BMPR1B: variants seen among roughly 807,000 people sequenced by gnomAD.
BMPR1B encodes the protein bone morphogenetic protein receptor type 1B, also known as bone morphogenetic protein receptor type-1B.
BMPR1B carries 12 observed loss-of-function variants against 59.1 expected under a neutral mutation model. The ratio of observed to expected loss-of-function variants is 0.20; its 90% CI spans 0.13 to 0.33. BMPR1B has a LOEUF of 0.33. Among genes scored for constraint, BMPR1B ranks in the 10% least tolerant of loss-of-function variants. The pLI is 1.00. For synonymous variants in BMPR1B, 237 were observed against 207.3 expected (o/e 1.14, Z -1.23); for missense variants, 550 against 610.9 (o/e 0.90, Z 1.05).
chr4:94,932,084 C>G (rs1729113977), intron 2 of BMPR1B, among the ~76,000 whole-genome samples: 1 of 152,096 alleles, frequency 6.6e-6, no homozygotes, highest in Non-Finnish European at 1.5e-5. Flanking sequence ...AAGGCTGTTC[C>G]AAATAAAAAG....
intron 2 of BMPR1B, among the ~76,000 whole-genome samples, chr4:94,973,494 T>TG (rs1400245091): frequency 6.6e-6 from 1 of 152,210 alleles, no homozygotes; most frequent in Non-Finnish European, 1.5e-5. Flanking sequence ...TCTCCGAAGT[T>TG]ACACTGTCAA....
chr4:94,858,683 CTT>C (rs1205767010), intron 1 of BMPR1B, among the ~76,000 whole-genome samples: 1 of 152,112 alleles, frequency 6.6e-6, no homozygotes, highest in Non-Finnish European at 1.5e-5. Flanking sequence ...GAATACAACT[CTT>C]GTTATTTGTA....
intron 10 of BMPR1B, among the ~76,000 whole-genome samples, chr4:95,147,474 T>C (rs1734731909): frequency 2.0e-5 from 3 of 152,070 alleles, no homozygotes; most frequent in Admixed American, 2.0e-4. Flanking sequence ...GACAGCAGGA[T>C]AAGTGTGATA....
intron 6 of BMPR1B, among the ~76,000 whole-genome samples, chr4:95,116,141 T>A (rs994565799): frequency 2.0e-5 from 3 of 152,130 alleles, no homozygotes; most frequent in Non-Finnish European, 4.4e-5. Flanking sequence ...TTGTCTATAT[T>A]TATTTTAAAA....
intron 10 of BMPR1B, among the ~76,000 whole-genome samples, chr4:95,142,203 C>T (rs981015444): frequency 1.3e-5 from 2 of 152,204 alleles, no homozygotes; most frequent in African/African-American, 2.4e-5. Flanking sequence ...ATCTGCCAGG[C>T]AGAGTTCAAT....
chr4:94,784,514 T>A lies in BMPR1B; in HGVS notation c.-183+26446T>A, dbSNP rs553726398. On this transcript the variant is annotated intron_variant, in intron 1 of 12. Transcript: ENST00000515059. ...CATTTTCTCTTTTGTGTAAACTTTTTAAAATTTTTTCTTTTTTTTGTTTGG... is the reference window on the plus strand; with the variant it reads ...CATTTTCTCTTTTGTGTAAACTTTTAAAAATTTTTTCTTTTTTTTGTTTGG... Among the ~76,000 whole-genome samples the A allele has an allele frequency of 3.8e-3, 580 of 152,274 alleles. 8 individuals carry two copies. The highest frequency in any genetic ancestry group is 0.013 in the African/African-American group (534 of 41,570).
chr4:94,830,945 T>C (rs552354240), intron 1 of BMPR1B, among the ~76,000 whole-genome samples: 9 of 152,228 alleles, frequency 5.9e-5, no homozygotes, highest in Admixed American at 3.3e-4. Context: ...ATGTTACAGG[T>C]TTATGTATTG....
At chr4:95,032,534 C>T (rs1724946580) in intron 3 of BMPR1B, among the ~76,000 whole-genome samples, 1 of 152,116 alleles carries the variant, frequency 6.6e-6, no homozygotes, top group Non-Finnish European at 1.5e-5. Flanking sequence ...CCTATTTTCC[C>T]TCTCCTAGCT....
At chr4:94,768,565 C>A (rs1217986684) in intron 1 of BMPR1B, among the ~76,000 whole-genome samples, 4 of 152,000 alleles carry the variant, frequency 2.6e-5, no homozygotes, top group Non-Finnish European at 5.9e-5. Context: ...TTTTATGTGA[C>A]TGCTTTTTCT....
intron 2 of BMPR1B, among the ~76,000 whole-genome samples, chr4:94,985,529 G>GTGTGTT (rs1553924111): frequency 0.025 from 3,730 of 148,302 alleles, 85 homozygotes; most frequent in Non-Finnish European, 0.041. Context: ...GTGTGTGTGT[G>GTGTGTT]TGTGTGTGTG....
At chr4:94,972,096 T>C (rs1041673249) in intron 2 of BMPR1B, among the ~76,000 whole-genome samples, 1 of 151,648 alleles carries the variant, frequency 6.6e-6, no homozygotes, top group African/African-American at 2.4e-5. Context: ...TGTACAAAAT[T>C]CTTATTTACC....
intron 4 of BMPR1B, among the ~76,000 whole-genome samples, chr4:95,108,889 C>T (rs1055395642): frequency 6.6e-6 from 1 of 152,022 alleles, no homozygotes; most frequent in Non-Finnish European, 1.5e-5. Flanking sequence ...GATGACAGAC[C>T]ATCACTGCAT....
At chr4:95,040,439 G>A (rs972663801) in intron 3 of BMPR1B, among the ~76,000 whole-genome samples, 1 of 152,116 alleles carries the variant, frequency 6.6e-6, no homozygotes, top group Non-Finnish European at 1.5e-5. Flanking sequence ...ATTGACTTTA[G>A]GATGAAATAA....
At position 94,962,109 on chromosome 4, in the gene BMPR1B, TTCC is replaced by T. The variant is rs1280438875; in HGVS notation, c.-112-33929_-112-33927del. ...CTTCCTTCCTTCCTTCCTTCCTTCCTTCCTTCCTTCCTTCTTTCCTTCCTTCCT... is the reference window on the plus strand; with the variant it reads ...CTTCCTTCCTTCCTTCCTTCCTTCCTTTCCTTCCTTCTTTCCTTCCTTCCT... On this transcript the variant is annotated intron_variant, in intron 2 of 12. Transcript: ENST00000515059. Among the ~76,000 whole-genome samples, 156 of 135,560 alleles carry T rather than the reference TTCC, an allele frequency of 1.2e-3. 2 individuals carry two copies. Among genetic ancestry groups the T allele is most frequent in the African/African-American group, 5.0e-3 (154 of 30,568 alleles). 88.9% of individuals were successfully genotyped at this position (135,560 alleles called of 152,430 possible).
chr4:95,095,492 A>C (rs1422418710), intron 3 of BMPR1B, among the ~76,000 whole-genome samples: 1 of 152,068 alleles, frequency 6.6e-6, no homozygotes, highest in African/African-American at 2.4e-5. Context: ...TACCCTGGAC[A>C]TTTAAAGTGC....
chr4:95,003,064 G>A (rs1722564619), intron 3 of BMPR1B, among the ~76,000 whole-genome samples: 1 of 151,022 alleles, frequency 6.6e-6, no homozygotes, highest in South Asian at 2.1e-4. Context: ...TAAGATTTTG[G>A]TTACTTTTTA....
At chr4:94,831,442 C>T (rs772224308) in intron 1 of BMPR1B, among the ~76,000 whole-genome samples, 3 of 151,894 alleles carry the variant, frequency 2.0e-5, no homozygotes, top group Non-Finnish European at 4.4e-5. Flanking sequence ...TTAGTTAAAC[C>T]TAAGTATACA....
At chr4:95,044,010 A>G (rs1725858342) in intron 3 of BMPR1B, among the ~76,000 whole-genome samples, 1 of 152,194 alleles carries the variant, frequency 6.6e-6, no homozygotes. Flanking sequence ...ATATGTTTTG[A>G]GTATGATTGT....
intron 2 of BMPR1B, among the ~76,000 whole-genome samples, chr4:94,928,332 ATGTT>A (rs1728968126): frequency 6.6e-6 from 1 of 151,856 alleles, no homozygotes; most frequent in Non-Finnish European, 1.5e-5. Flanking sequence ...ATTTTTAAAA[ATGTT>A]TGTAGCTGCA....
Sources: allele counts gnomAD v4.1 joint callset (sites outside exome capture counted in the v4.1 genomes callset), GRCh38; gene constraint gnomAD v4.1.1; transcripts MANE v1.5; gene names NCBI Gene and HGNC (gene_info 2026-07-23, HGNC 2026-07-21).